ITIH6: variants seen among roughly 807,000 people sequenced by gnomAD.
ITIH6 encodes the protein inter-alpha-trypsin inhibitor heavy chain H6.
In ITIH6, 60 loss-of-function variants were observed where a neutral mutation model predicts 58.2. That is an observed-to-expected ratio of 1.03 (90% CI 0.84 to 1.28). The LOEUF (loss-of-function observed/expected upper bound fraction) is 1.28. Among genes scored for constraint, ITIH6 ranks in the 50% most tolerant of loss-of-function variants. ITIH6 has a pLI of 0.00. For missense variants in ITIH6, 1,290 were observed against 1,021.1 expected (o/e 1.26, Z -3.59); for synonymous variants, 493 against 417.4 (o/e 1.18, Z -2.21).
chrX:54,758,663 T>G lies in ITIH6; in HGVS notation c.1411A>C (p.Met471Leu), dbSNP rs776210315. The G allele has an allele frequency of 1.8e-5, 22 of 1,209,675 alleles. No homozygotes were observed. In the African/African-American group the frequency reaches 3.3e-4, roughly 18 times the overall value. Residue 471 changes from methionine (M) to leucine (L), a missense_variant, in exon 8 of 13, where the codon ATG becomes CTG. Physicochemically the swap from Met to Leu is conservative, Grantham distance 15 (BLOSUM62 2). Coordinates refer to ENST00000218436, the MANE Select transcript of ITIH6 (RefSeq NM_198510.3). ...AGACGCACATCTGCCAGCAGAGGCATGGAGATCTCCTCATAGAGGCCCTTC... is the reference window on the plus strand; with the variant it reads ...AGACGCACATCTGCCAGCAGAGGCAGGGAGATCTCCTCATAGAGGCCCTTC... ...QLKGLYEEISMPLLADVRLNY... is the reference protein window; with the variant it reads ...QLKGLYEEISLPLLADVRLNY...
At chrX:54,767,615 A>G (rs1928827020) in intron 6 of ITIH6, among the ~76,000 whole-genome samples, 1 of 101,520 alleles carries the variant, frequency 9.9e-6, no homozygotes, top group African/African-American at 3.9e-5. Flanking sequence ...GGTTTCAAAG[A>G]ACATCTTTAT....
chrX:54,791,443 A>G (rs1434825258), intron 3 of ITIH6, among the ~76,000 whole-genome samples: 1 of 110,444 alleles, frequency 9.1e-6, no homozygotes, highest in Non-Finnish European at 1.9e-5. Context: ...AGCCCCTTCA[A>G]ATAGACCCTC....
intron 2 of ITIH6, among the ~76,000 whole-genome samples, chrX:54,794,451 G>A (rs1277008900): frequency 9.0e-6 from 1 of 110,910 alleles, no homozygotes; most frequent in African/African-American, 3.3e-5. Context: ...CCAAACCCAC[G>A]CCTGCTCTTT....
Position 54,759,883 on chromosome X carries a change from A to G in ITIH6, c.948T>C (p.Asn316=). 8.3e-7 allele frequency: 1 copy of G among 1,210,641 alleles called. No homozygotes were observed. The highest frequency in any genetic ancestry group is 1.1e-6 in the Non-Finnish European group (1 of 894,460). ...MNVILSDLQA[N]DYFNIISFSD... ...AAAAGGAGATGATGTTGAAGTAGTCATTGGCTTGAAGGTCACTGAGGATCA... is the reference window on the plus strand; with the variant it reads ...AAAAGGAGATGATGTTGAAGTAGTCGTTGGCTTGAAGGTCACTGAGGATCA... Residue 316 remains asparagine (N), a synonymous_variant, in exon 7 of 13, where the codon AAT becomes AAC. Coordinates refer to ENST00000218436, the MANE Select transcript of ITIH6 (RefSeq NM_198510.3).
chrX:54,757,966 G>C lies in ITIH6; in HGVS notation c.2108C>G (p.Pro703Arg), dbSNP rs750046907. ...CTGTTGTGCTGGAATTTTGGCCTTTGGGTATGTGGGCATTGACAGGGTATG... is the reference window on the plus strand; with the variant it reads ...CTGTTGTGCTGGAATTTTGGCCTTTCGGTATGTGGGCATTGACAGGGTATG... Reference protein sequence around the residue: ...SPHTLSMPTYPKAKIPAQQDS... With the variant: ...SPHTLSMPTYRKAKIPAQQDS... The change falls in exon 8 of 13, where the codon CCA (proline) becomes CGA (arginine). Residue 703 changes from proline (P) to arginine (R), a missense_variant. Physicochemically the swap from Pro to Arg is moderately radical, Grantham distance 103 (BLOSUM62 -2). Transcript: ENST00000218436. 2 of 1,211,900 alleles carry C rather than the reference G, an allele frequency of 1.7e-6. No homozygotes were observed. The highest frequency in any genetic ancestry group is 5.9e-5 in the East Asian group (2 of 33,841).
chrX:54,779,663 C>T (rs367957462), intron 5 of ITIH6, among the ~76,000 whole-genome samples: 1 of 110,638 alleles, frequency 9.0e-6, no homozygotes, highest in Non-Finnish European at 1.9e-5. Flanking sequence ...AAACCAATAA[C>T]AAAATGGCAG....
At chrX:54,760,004 G>T in intron 6 of ITIH6, 77 bp from the exon 7 acceptor site, 1 of 788,522 alleles carries the variant, frequency 1.3e-6, no homozygotes, top group Non-Finnish European at 1.9e-6. Flanking sequence ...TTCTACACAA[G>T]GCATTAACAT....
chrX:54,761,571 G>T (rs1253519594), intron 6 of ITIH6, among the ~76,000 whole-genome samples: 1 of 111,533 alleles, frequency 9.0e-6, no homozygotes, highest in Non-Finnish European at 1.9e-5. Flanking sequence ...ATGGTTTTAG[G>T]TCTAACATTT....
At position 54,766,243 on chromosome X, in the gene ITIH6, C is replaced by T. The variant is rs1445551013; in HGVS notation, c.904-6316G>A. Among the ~76,000 whole-genome samples the T allele has an allele frequency of 5.6e-4, 59 of 105,898 alleles. 1 individual carries two copies. The South Asian group carries it at 0.025, about 44-fold the overall frequency. The allele number at this position is 105,898 out of a possible 115,157, so 92.0% of individuals were successfully genotyped here. On this transcript the variant is annotated intron_variant, in intron 6 of 12. Transcript: ENST00000218436. ...TGATTTTTGTACATTGATTTTGTAT[C>T]CTGAGACTTTGCTGAAGTTGCTTAT...
At position 54,749,839 on chromosome X, in the gene ITIH6, C is replaced by T. The variant is rs140864719; in HGVS notation, c.*56G>A. On this transcript the variant is annotated 3_prime_UTR_variant, in exon 13 of 13. Coordinates refer to ENST00000218436, the MANE Select transcript of ITIH6 (RefSeq NM_198510.3). ...GTCTCTGTCCCTGGCTCACCCCATG[C>T]CCTGGTTTCTGGATCTCCCAAATTC... 1.0e-5 allele frequency: 11 copies of T among 1,053,900 alleles called. No homozygotes were observed. The East Asian group carries it at 3.1e-4, about 30-fold the overall frequency. The allele number at this position is 1,053,900 out of a possible 1,213,427, so 86.9% of individuals were successfully genotyped here.
At chrX:54,774,404 G>A (rs1016869666) in intron 5 of ITIH6, among the ~76,000 whole-genome samples, 4 of 112,707 alleles carry the variant, frequency 3.5e-5, no homozygotes, top group Admixed American at 9.3e-5. Flanking sequence ...CCTTCATCCC[G>A]GGGCCTGCCC....
chrX:54,774,425 G>A (rs1466972390), intron 5 of ITIH6, among the ~76,000 whole-genome samples: 1 of 113,071 alleles, frequency 8.8e-6, no homozygotes, highest in Non-Finnish European at 1.9e-5. Context: ...CAGAGCTGTG[G>A]AGGGAATGAG....
At chrX:54,788,149 G>A (rs981386277) in intron 5 of ITIH6, among the ~76,000 whole-genome samples, 7 of 111,907 alleles carry the variant, frequency 6.3e-5, no homozygotes, top group Non-Finnish European at 1.3e-4. Flanking sequence ...GCTGCAGAAC[G>A]CGTGAGAATC....
chrX:54,760,565 A>C, intron 6 of ITIH6, among the ~76,000 whole-genome samples: 1 of 111,353 alleles, frequency 9.0e-6, no homozygotes, highest in Non-Finnish European at 1.9e-5. Flanking sequence ...CATTAGGTAT[A>C]TCTCCTAATG....
rs1334183834 is a variant in ITIH6, at chrX:54,757,442, T to C, written c.2632A>G (p.Asn878Asp). The change falls in exon 8 of 13, where the codon AAC becomes GAC. Residue 878 changes from asparagine to aspartate, a missense_variant. Coordinates refer to ENST00000218436, the MANE Select transcript of ITIH6 (RefSeq NM_198510.3). The stretch of plus-strand genomic sequence containing the variant: ...AGTGGGGTTTGAGGCATATGGGGGT[T>C]TGGGGTCTCAGGCTTGGAAAGTGAT... The part of the protein sequence containing the change: ...SISLSKPETP[N>D]PHMPQTPLPP... 1 of 1,207,762 alleles carries C rather than the reference T, an allele frequency of 8.3e-7. No homozygotes were observed. Among genetic ancestry groups the C allele is most frequent in the Admixed American group, 2.2e-5 (1 of 45,574 alleles).
intron 6 of ITIH6, among the ~76,000 whole-genome samples, chrX:54,760,556 A>G (rs751146142): frequency 1.8e-4 from 20 of 111,607 alleles, no homozygotes; most frequent in African/African-American, 6.5e-4. Context: ...CGTCATTTAC[A>G]TTAGGTATAT....
rs763049826 is a variant in ITIH6, at chrX:54,751,048, C to T, written c.3685G>A (p.Val1229Met). ...TLQLPHLGFYVANGSGLSPSA... is the reference protein window; with the variant it reads ...TLQLPHLGFYMANGSGLSPSA... ...GGGCTGAGGCCTGAGCCATTGGCCACGTAGAACCCCAGGTGGGGTAGTTGC... is the reference window on the plus strand; with the variant it reads ...GGGCTGAGGCCTGAGCCATTGGCCATGTAGAACCCCAGGTGGGGTAGTTGC... Residue 1229 changes from valine (V) to methionine (M), a missense_variant, in exon 12 of 13, where the codon GTG becomes ATG. Val to Met is a conservative substitution (Grantham distance 21). Coordinates refer to ENST00000218436, the MANE Select transcript of ITIH6 (RefSeq NM_198510.3). The T allele has an allele frequency of 5.1e-6, 6 of 1,185,548 alleles. No individual in the cohort carries two copies. The East Asian group carries it at 1.5e-4, about 30-fold the overall frequency.
chrX:54,757,765 G>A lies in ITIH6; in HGVS notation c.2309C>T (p.Ser770Leu), dbSNP rs755854059. ...ACATTTCACAGTGTCAGCTTTGGGC[G>A]AGGCTGGGATGCCAGGTTTCACAGG... ...VPPVKPGIPA[S>L]PKADTVKCVT... Residue 770 changes from serine to leucine, a missense_variant, in exon 8 of 13, where the codon TCG becomes TTG. Physicochemically the swap from Ser to Leu is moderately radical, Grantham distance 145 (BLOSUM62 -2). Transcript: ENST00000218436. 2 of 1,209,767 alleles carry A rather than the reference G, an allele frequency of 1.7e-6. No individual in the cohort carries two copies. Among genetic ancestry groups the A allele is most frequent in the African/African-American group, 1.8e-5 (1 of 57,078 alleles).
rs920150248 is a variant in ITIH6 at position 54,757,509 on chromosome X, A to G, written c.2565T>C (p.Ser855=). ...GGTGTGGTGGGGCACTCGGTTTAAGAGATAATAAGATTTTAGGGGTCTTGG... is the reference window on the plus strand; with the variant it reads ...GGTGTGGTGGGGCACTCGGTTTAAGGGATAATAAGATTTTAGGGGTCTTGG... ...LLSKTPKILL[S]LKPSAPPHQI... is the part of the protein sequence containing the mutation. Residue 855 remains serine, a synonymous_variant, in exon 8 of 13, where the codon TCT becomes TCC. Transcript: ENST00000218436. 1 of 1,210,457 alleles carries G rather than the reference A, an allele frequency of 8.3e-7. No individual in the cohort carries two copies. The highest frequency in any genetic ancestry group is 1.7e-5 in the African/African-American group (1 of 57,340).
Sources: gnomAD v4.1 joint callset for allele counts (sites outside exome capture counted in the v4.1 genomes callset) on GRCh38, gnomAD v4.1.1 for gene constraint, MANE v1.5 for transcripts, NCBI Gene and HGNC (gene_info 2026-07-23, HGNC 2026-07-21) for gene names.